MTHFD2L: variants seen among roughly 807,000 people sequenced by gnomAD.
The protein encoded by MTHFD2L is bifunctional methylenetetrahydrofolate dehydrogenase/cyclohydrolase 2, mitochondrial.
MTHFD2L carries 29 observed loss-of-function variants against 34.9 expected under a neutral mutation model. The ratio of observed to expected loss-of-function variants is 0.83; its 90% CI spans 0.62 to 1.13. MTHFD2L has a LOEUF of 1.13. MTHFD2L is among the 50% of genes most tolerant of loss of function. The probability of loss-of-function intolerance (pLI) is 0.00; values close to 1 mark genes in which losing one functional copy is unlikely to be tolerated. For synonymous variants in MTHFD2L, 167 were observed against 155.7 expected (o/e 1.07, Z -0.54); for missense variants, 481 against 446.5 (o/e 1.08, Z -0.70).
chr4:74,185,117 A>C (rs1455032016), intron 3 of MTHFD2L, among the ~76,000 whole-genome samples: 1 of 138,056 alleles, frequency 7.2e-6, no homozygotes, highest in African/African-American at 2.9e-5. Flanking sequence ...AAGCCACTGC[A>C]CTCTAGCCTG....
chr4:74,224,073 G>A (rs959163174), intron 5 of MTHFD2L: 2 of 151,998 alleles, frequency 1.3e-5, no homozygotes, highest in African/African-American at 4.8e-5. Context: ...GGTTAGAGGA[G>A]GTCCTGTGCA....
intron 1 of MTHFD2L, among the ~76,000 whole-genome samples, chr4:74,172,623 A>G (rs1423329409): frequency 6.6e-6 from 1 of 152,230 alleles, no homozygotes; most frequent in Non-Finnish European, 1.5e-5. Flanking sequence ...AATCACATGT[A>G]GGAAATTATT....
At chr4:74,126,037 G>A (rs542457810) in intron 1 of MTHFD2L, among the ~76,000 whole-genome samples, 15 of 152,202 alleles carry the variant, frequency 9.9e-5, no homozygotes, top group East Asian at 5.8e-4. Flanking sequence ...GGTTACCAGC[G>A]TCCACTATAC....
chr4:74,145,356 A>T (rs1025870055), intron 1 of MTHFD2L, among the ~76,000 whole-genome samples: 2 of 152,190 alleles, frequency 1.3e-5, no homozygotes, highest in African/African-American at 4.8e-5. Context: ...ATACAGGAGG[A>T]TGTGCATAAG....
chr4:74,284,996 A>G (rs1368802385), intron 7 of MTHFD2L, among the ~76,000 whole-genome samples: 1 of 152,170 alleles, frequency 6.6e-6, no homozygotes, highest in African/African-American at 2.4e-5. Context: ...TACACCATTG[A>G]ATACTATGCA....
At chr4:74,265,301 A>C (rs770963286) in intron 6 of MTHFD2L, among the ~76,000 whole-genome samples, 1 of 152,150 alleles carries the variant, frequency 6.6e-6, no homozygotes, top group South Asian at 2.1e-4. Flanking sequence ...TGTGTGATGC[A>C]CTGTAGCTGC....
intron 1 of MTHFD2L, among the ~76,000 whole-genome samples, chr4:74,170,787 AC>A (rs1007652108): frequency 3.9e-5 from 6 of 152,046 alleles, no homozygotes; most frequent in Non-Finnish European, 7.4e-5. Context: ...ACCATGGGCT[AC>A]TATGCAGCCA....
chr4:74,185,120 C>G (rs1184856726), intron 3 of MTHFD2L, among the ~76,000 whole-genome samples: 7 of 125,858 alleles, frequency 5.6e-5, no homozygotes, highest in Admixed American at 2.9e-4. Flanking sequence ...CCACTGCACT[C>G]TAGCCTGGGC....
intron 3 of MTHFD2L, among the ~76,000 whole-genome samples, chr4:74,179,135 A>G (rs1729615151): frequency 6.6e-6 from 1 of 152,064 alleles, no homozygotes; most frequent in Non-Finnish European, 1.5e-5. Context: ...GACCAGTATT[A>G]CCTGTTAGTA....
At chr4:74,185,002 A>T (rs2109996945) in intron 3 of MTHFD2L, among the ~76,000 whole-genome samples, 1 of 151,926 alleles carries the variant, frequency 6.6e-6, no homozygotes, top group East Asian at 1.9e-4. Context: ...ACAAAAAAAA[A>T]TTAGCTGGGC....
chr4:74,264,098 C>G (rs377679136), intron 6 of MTHFD2L, among the ~76,000 whole-genome samples: 70 of 152,148 alleles, frequency 4.6e-4, no homozygotes, highest in African/African-American at 1.7e-3. Flanking sequence ...TTACAGTTTT[C>G]ATACTTAATG....
chr4:74,201,957 A>G (rs752041732), intron 5 of MTHFD2L, among the ~76,000 whole-genome samples: 2 of 152,144 alleles, frequency 1.3e-5, no homozygotes, highest in Non-Finnish European at 2.9e-5. Flanking sequence ...CAGCAGTCTA[A>G]TAGCTAGATA....
Position 74,163,079 on chromosome 4 carries a change from T to C in MTHFD2L, c.143+4798T>C, listed in dbSNP as rs1257430282. 7.3e-4 allele frequency among the ~76,000 whole-genome samples: 15 copies of C among 20,662 alleles called. No homozygotes were observed. In the Admixed American group the frequency reaches 0.026, roughly 36 times the overall value. The allele number at this position is 20,662 out of a possible 152,430, so 13.6% of individuals were successfully genotyped here. A position where few individuals can be genotyped will look rare whatever the true frequency, so the allele number is the denominator to read the frequency against. On this transcript the variant is annotated intron_variant, in intron 1 of 7. Coordinates refer to ENST00000325278, the MANE Select transcript of MTHFD2L (RefSeq NM_001144978.3). ...CTAACTTCTGATAAATTGAGCATTT[T>C]TTTTTTTCCATTGTTAGTGTTGGCA... is the stretch of plus-strand genomic sequence containing the variant.
rs74623792 is a variant in MTHFD2L at position 74,254,114 on chromosome 4, G to A, written c.806-27311G>A. Among the ~76,000 whole-genome samples, 474 of 152,142 alleles carry A rather than the reference G, an allele frequency of 3.1e-3. 4 individuals carry two copies. The highest frequency in any genetic ancestry group is 3.7e-3 in the Non-Finnish European group (249 of 67,998). The stretch of plus-strand genomic sequence containing the variant: ...TAGAAGAAACAGAGAACAAAATGTG[G>A]GCAGAAAGCTTAATTAAAGAAATAT... On this transcript the variant is annotated intron_variant, in intron 6 of 7. Coordinates refer to ENST00000325278, the MANE Select transcript of MTHFD2L (RefSeq NM_001144978.3).
chr4:74,128,130 T>A (rs1053945182), intron 1 of MTHFD2L, among the ~76,000 whole-genome samples: 1 of 152,118 alleles, frequency 6.6e-6, no homozygotes, highest in Non-Finnish European at 1.5e-5. Flanking sequence ...TTGGAGCTCC[T>A]TATATATTCT....
chr4:74,167,987 T>G (rs896935552), intron 1 of MTHFD2L, among the ~76,000 whole-genome samples: 2 of 152,144 alleles, frequency 1.3e-5, no homozygotes, highest in African/African-American at 4.8e-5. Context: ...ATCAGACTAC[T>G]TAGCACCTCC....
intron 6 of MTHFD2L, among the ~76,000 whole-genome samples, chr4:74,233,546 T>G (rs755277255): frequency 5.9e-5 from 9 of 152,056 alleles, no homozygotes; most frequent in Non-Finnish European, 1.2e-4. Flanking sequence ...GAGCTCCTAT[T>G]GTGTGGTGAG....
chr4:74,175,182 T>C, intron 2 of MTHFD2L, 99 bp from the exon 3 acceptor site: 1 of 1,304,362 alleles, frequency 7.7e-7, no homozygotes, highest in Non-Finnish European at 1.1e-6. Flanking sequence ...ATCAGAACCT[T>C]TCACGGCAGT....
At chr4:74,240,992 AAGAC>A (rs1369834558) in intron 6 of MTHFD2L, among the ~76,000 whole-genome samples, 2 of 152,106 alleles carry the variant, frequency 1.3e-5, no homozygotes, top group South Asian at 2.1e-4. Flanking sequence ...CTTTTTTAAA[AAGAC>A]AGGGGAGACT....
Sources: allele counts gnomAD v4.1 joint callset (sites outside exome capture counted in the v4.1 genomes callset), GRCh38; gene constraint gnomAD v4.1.1; transcripts MANE v1.5; gene names NCBI Gene and HGNC (gene_info 2026-07-23, HGNC 2026-07-21).